RFFL: variants seen among roughly 807,000 people sequenced by gnomAD.
RFFL encodes the protein E3 ubiquitin-protein ligase rififylin.
Under a neutral mutation model 40.4 loss-of-function variants are expected in RFFL, and 16 were observed. That is an observed-to-expected ratio of 0.40 (90% confidence interval 0.27 to 0.60). The LOEUF (loss-of-function observed/expected upper bound fraction) is 0.60, where lower values mean the gene tolerates loss of function less well. Among genes scored for constraint, RFFL ranks in the 20% least tolerant of loss-of-function variants. The probability of loss-of-function intolerance (pLI) is 0.47; values close to 1 mark genes in which losing one functional copy is unlikely to be tolerated. For missense variants in RFFL, 367 were observed against 451.7 expected (o/e 0.81, Z 1.70); for synonymous variants, 154 against 167.9 (o/e 0.92, Z 0.64).
chr17:35,026,685 G>A, intron 1 of RFFL, 124 bp from the exon 2 acceptor site: 1 of 719,554 alleles, frequency 1.4e-6, no homozygotes, highest in Non-Finnish European at 2.3e-6. Flanking sequence ...GTGGAGGGGA[G>A]GATGTGTTTT....
At chr17:35,038,631 T>C (rs1039550582) in intron 1 of RFFL, among the ~76,000 whole-genome samples, 6 of 152,314 alleles carry the variant, frequency 3.9e-5, no homozygotes, top group South Asian at 2.1e-4. Flanking sequence ...ATGAATCTTA[T>C]GTTGAGCAAA....
intron 1 of RFFL, among the ~76,000 whole-genome samples, chr17:35,088,462 T>A (rs2091441764): frequency 1.3e-5 from 2 of 152,210 alleles, no homozygotes; most frequent in South Asian, 4.1e-4. Context: ...TTCGCCAGAC[T>A]TCCCCATGTC....
chr17:35,074,958 G>T (rs2091368851), intron 1 of RFFL, among the ~76,000 whole-genome samples: 1 of 152,160 alleles, frequency 6.6e-6, no homozygotes, highest in African/African-American at 2.4e-5. Context: ...AGCTCCTGTG[G>T]CCAACATACA....
rs565984137 is a variant in RFFL at position 35,008,404 on chromosome 17, C to A, written c.*3564G>T. The A allele has an allele frequency of 6.6e-6, 1 of 152,236 alleles. No individual in the cohort carries two copies. The highest frequency in any genetic ancestry group is 1.5e-5 in the Non-Finnish European group (1 of 68,008). The allele number at this position is 152,236 out of a possible 1,614,324, so 9.4% of individuals were successfully genotyped here. A position where few individuals can be genotyped will look rare whatever the true frequency, so the allele number is the denominator to read the frequency against. On this transcript the variant is annotated 3_prime_UTR_variant, in exon 7 of 7. Coordinates refer to ENST00000394597, the MANE Select transcript of RFFL (RefSeq NM_001017368.2). ...GGCTAATCCCAGGCCATGTGCACAT[C>A]CCAGGATTAGCTTGTGGTTTATCAG...
At chr17:35,073,532 T>C (rs2091361446) in intron 1 of RFFL, among the ~76,000 whole-genome samples, 1 of 152,228 alleles carries the variant, frequency 6.6e-6, no homozygotes, top group African/African-American at 2.4e-5. Context: ...TCTATGATTC[T>C]CTGGCCCATC....
At chr17:35,025,073 C>T (rs2091033014) in intron 2 of RFFL, 1 of 152,228 alleles carries the variant, frequency 6.6e-6, no homozygotes, top group Admixed American at 6.5e-5. Flanking sequence ...CTGCAAGCTC[C>T]CCGTTAAGCA....
At chr17:35,051,538 A>G (rs1414270983) in intron 1 of RFFL, among the ~76,000 whole-genome samples, 1 of 152,258 alleles carries the variant, frequency 6.6e-6, no homozygotes, top group Non-Finnish European at 1.5e-5. Flanking sequence ...TCACCTAACA[A>G]GCACCAAAAA....
At chr17:35,072,358 A>G (rs2091354978) in intron 1 of RFFL, among the ~76,000 whole-genome samples, 1 of 152,134 alleles carries the variant, frequency 6.6e-6, no homozygotes, top group Non-Finnish European at 1.5e-5. Flanking sequence ...AAAAGGTCAC[A>G]TATTGGGTCA....
intron 1 of RFFL, among the ~76,000 whole-genome samples, chr17:35,079,854 C>T (rs2091395669): frequency 6.6e-6 from 1 of 152,160 alleles, no homozygotes; most frequent in African/African-American, 2.4e-5. Context: ...CTAAGGTATA[C>T]TTTAGCTCTG....
intron 3 of RFFL, among the ~76,000 whole-genome samples, chr17:35,018,095 C>G (rs2090985732): frequency 6.6e-6 from 1 of 152,020 alleles, no homozygotes; most frequent in South Asian, 2.1e-4. Flanking sequence ...ATGTTTTCCC[C>G]TCCTTCACAC....
chr17:35,034,528 C>CTT (rs374615141), intron 1 of RFFL, among the ~76,000 whole-genome samples: 9 of 143,734 alleles, frequency 6.3e-5, no homozygotes, highest in Admixed American at 1.4e-4. Flanking sequence ...ATCCACGTTA[C>CTT]TTTTTTTTTT....
intron 1 of RFFL, among the ~76,000 whole-genome samples, chr17:35,086,831 G>C (rs762001374): frequency 5.9e-5 from 9 of 152,124 alleles, no homozygotes; most frequent in Non-Finnish European, 8.8e-5. Context: ...AGTATTAAAG[G>C]TTCTATGACA....
rs2090895699 is a variant in RFFL at position 35,006,430 on chromosome 17, C to G, written c.*5538G>C. The G allele has an allele frequency of 6.6e-6, 1 of 152,378 alleles. No individual in the cohort carries two copies. The highest frequency in any genetic ancestry group is 1.5e-5 in the Non-Finnish European group (1 of 68,182). 9.4% of individuals were successfully genotyped at this position (152,378 alleles called of 1,614,324 possible). ...AACCTTAGGCAAGTTACGTTAACAT[C>G]TAAGCCTCAATCCCTCCAAGTAGAA... is the stretch of plus-strand genomic sequence containing the variant. On this transcript the variant is annotated 3_prime_UTR_variant, in exon 7 of 7. Transcript: ENST00000394597.
intron 2 of RFFL, among the ~76,000 whole-genome samples, chr17:35,024,474 C>T (rs925407720): frequency 3.3e-5 from 5 of 152,150 alleles, no homozygotes; most frequent in Admixed American, 1.3e-4. Flanking sequence ...CCTCCAAAAC[C>T]GTCAGGGTCG....
At position 35,021,577 on chromosome 17, in the gene RFFL, GC is replaced by G. The variant is rs1567701762; in HGVS notation, c.384del (p.Glu128AspfsTer12). On this transcript the variant is annotated frameshift_variant, in exon 3 of 7. Transcript: ENST00000394597. LOFTEE classifies it high-confidence loss of function. ...TGCTGGCCAAGGACCAAGAGCACCA[GC>G]TCTTCTTTCTCCCGGCACATTTCGG... ...ISTEMCREKE[E>X]LVLLVLGQQP... 6.2e-7 allele frequency: 1 copy of G among 1,614,204 alleles called. No individual in the cohort carries two copies. Among genetic ancestry groups the G allele is most frequent in the Admixed American group, 1.7e-5 (1 of 60,022 alleles).
chr17:35,067,723 G>C (rs568243260), upstream of RFFL, among the ~76,000 whole-genome samples: 1 of 152,274 alleles, frequency 6.6e-6, no homozygotes, highest in South Asian at 2.1e-4. Context: ...CCAAAGTGCT[G>C]GGATTATAGG....
In RFFL at chr17:35,068,894, C is replaced by T. The variant is rs2091333394; in HGVS notation, c.-9+20211G>A. 3.3e-5 allele frequency among the ~76,000 whole-genome samples: 5 copies of T among 152,072 alleles called. No homozygotes were observed. In the South Asian group the frequency reaches 8.3e-4, roughly 25 times the overall value. ...AAACCCAGCAACAGAAACCTTGGAA[C>T]CATTTGATGGGTATAATTTTCTATA... On this transcript the variant is annotated intron_variant, in intron 1 of 6. Coordinates refer to the RFFL transcript ENST00000315249.
intron 1 of RFFL, among the ~76,000 whole-genome samples, chr17:35,043,330 G>T (rs552402910): frequency 6.6e-6 from 1 of 152,298 alleles, no homozygotes; most frequent in Non-Finnish European, 1.5e-5. Context: ...TGGACATAGA[G>T]GTGGTGCTCA....
At chr17:35,054,928 T>G (rs953428334) in intron 1 of RFFL, among the ~76,000 whole-genome samples, 1 of 152,070 alleles carries the variant, frequency 6.6e-6, no homozygotes, top group Admixed American at 6.6e-5. Flanking sequence ...AGCTTTTTTT[T>G]TTTTTTTGAG....
Sources: gnomAD v4.1 joint callset for allele counts (sites outside exome capture counted in the v4.1 genomes callset) on GRCh38, gnomAD v4.1.1 for gene constraint, MANE v1.5 for transcripts, NCBI Gene and HGNC (gene_info 2026-07-23, HGNC 2026-07-21) for gene names.